The following PALS1 variants were observed in gnomAD, a reference collection of about 807,000 sequenced individuals.
The protein encoded by PALS1 is protein associated with LIN7 1, MAGUK p55 family member.
PALS1 carries 31 observed loss-of-function variants against 78.9 expected under a neutral mutation model. The ratio of observed to expected loss-of-function variants is 0.39; its 90% CI spans 0.30 to 0.53. The LOEUF (loss-of-function observed/expected upper bound fraction) is 0.53. Among genes scored for constraint, PALS1 ranks in the 20% least tolerant of loss-of-function variants. PALS1 has a pLI of 0.67. For missense variants in PALS1, 704 were observed against 826.5 expected (o/e 0.85, Z 1.82); for synonymous variants, 276 against 270.9 (o/e 1.02, Z -0.18).
At position 67,302,466 on chromosome 14, in the gene PALS1, G is replaced by A; in HGVS notation, c.858G>A (p.Gly286=). 6.3e-7 allele frequency: 1 copy of A among 1,599,242 alleles called. No homozygotes were observed. The highest frequency in any genetic ancestry group is 2.3e-5 in the East Asian group (1 of 43,960). Residue 286 remains glycine (G), a synonymous_variant, in exon 7 of 15, where the codon GGG becomes GGA. Transcript: ENST00000261681. The part of the protein sequence containing the change: ...DSVIISRIVK[G]GAAEKSGLLH... ...TCATCATTAGCCGGATAGTAAAAGG[G>A]GGTGCTGCAGAGAAAAGTGGTCTGT...
At chr14:67,258,954 TGCC>T (rs574188369) in intron 1 of PALS1, among the ~76,000 whole-genome samples, 162 of 152,176 alleles carry the variant, frequency 1.1e-3, no homozygotes, top group African/African-American at 3.7e-3. Context: ...GTGATTTTCC[TGCC>T]TCACCCTCCC....
At chr14:67,312,441 T>G (rs544565735) in intron 8 of PALS1, 86 bp from the exon 9 acceptor site, 1 of 972,698 alleles carries the variant, frequency 1.0e-6, no homozygotes, top group Admixed American at 3.1e-5. Context: ...TAAAAAATAA[T>G]AAAAAATTTG....
At chr14:67,293,873 C>G (rs2084807445) in intron 4 of PALS1, among the ~76,000 whole-genome samples, 2 of 151,888 alleles carry the variant, frequency 1.3e-5, no homozygotes, top group Non-Finnish European at 2.9e-5. Context: ...TTGCTAAATA[C>G]AACAATGGGT....
chr14:67,285,419 T>G (rs1418190269), intron 3 of PALS1, among the ~76,000 whole-genome samples: 1 of 138,814 alleles, frequency 7.2e-6, no homozygotes, highest in Non-Finnish European at 1.6e-5. Context: ...CAGGCTGGAG[T>G]GCAGTGGCGC....
At chr14:67,251,872 A>C (rs1184856756) in intron 1 of PALS1, among the ~76,000 whole-genome samples, 1 of 152,186 alleles carries the variant, frequency 6.6e-6, no homozygotes, top group African/African-American at 2.4e-5. Context: ...ATGGGGCCCC[A>C]CCTTCAACCT....
At chr14:67,267,668 A>G (rs1159608828) in intron 1 of PALS1, among the ~76,000 whole-genome samples, 1 of 152,236 alleles carries the variant, frequency 6.6e-6, no homozygotes, top group Non-Finnish European at 1.5e-5. Flanking sequence ...TAGTAAATTT[A>G]TATAGTCATG....
chr14:67,333,073 A>G lies in PALS1; in HGVS notation c.*117A>G. 1.1e-6 allele frequency: 1 copy of G among 880,708 alleles called. No individual in the cohort carries two copies. Among genetic ancestry groups the G allele is most frequent in the South Asian group, 1.8e-5 (1 of 56,330 alleles). The allele number at this position is 880,708 out of a possible 1,614,324, so 54.6% of individuals were successfully genotyped here. A position where few individuals can be genotyped will look rare whatever the true frequency, so the allele number is the denominator to read the frequency against. On this transcript the variant is annotated 3_prime_UTR_variant, in exon 15 of 15. Transcript: ENST00000261681. Reference sequence around the variant, plus strand: ...GATGGAAGGCAGCAGTATAAGCTGTAGATCTGTTCTTAGATCTCTTGAATT... The same window carrying G: ...GATGGAAGGCAGCAGTATAAGCTGTGGATCTGTTCTTAGATCTCTTGAATT...
rs1425264461 is a variant in PALS1 at position 67,335,317 on chromosome 14, C to CTAGT, written c.*2363_*2366dup. ...TATGGAAAAAAGCCTTGCTGTACAC[C>CTAGT]TAGTTGTACAGCCACTCTGGCCAAT... On this transcript the variant is annotated 3_prime_UTR_variant, in exon 15 of 15. Coordinates refer to ENST00000261681, the MANE Select transcript of PALS1 (RefSeq NM_022474.4). The CTAGT allele has an allele frequency of 6.6e-6, 1 of 152,186 alleles. No homozygotes were observed. The highest frequency in any genetic ancestry group is 2.4e-5 in the African/African-American group (1 of 41,436). The allele number at this position is 152,186 out of a possible 1,614,324, so 9.4% of individuals were successfully genotyped here. A position where few individuals can be genotyped will look rare whatever the true frequency, so the allele number is the denominator to read the frequency against.
chr14:67,293,158 T>A (rs539357530), intron 4 of PALS1, among the ~76,000 whole-genome samples: 117 of 152,280 alleles, frequency 7.7e-4, no homozygotes, highest in Middle Eastern at 6.8e-3. Flanking sequence ...CTATAAAAAC[T>A]GTAGACATTT....
intron 8 of PALS1, among the ~76,000 whole-genome samples, chr14:67,309,874 AT>A: frequency 6.6e-6 from 1 of 152,240 alleles, no homozygotes; most frequent in East Asian, 1.9e-4. Flanking sequence ...TCAGAAAGTG[AT>A]TTGATAAAAT....
chr14:67,313,409 T>C (rs2085122727), intron 9 of PALS1, among the ~76,000 whole-genome samples: 1 of 152,198 alleles, frequency 6.6e-6, no homozygotes, highest in African/African-American at 2.4e-5. Flanking sequence ...AGCTAGGCTA[T>C]GTGGTATAGC....
intron 10 of PALS1, 29 bp from the exon 11 acceptor site, chr14:67,317,379 T>G: frequency 6.4e-7 from 1 of 1,563,698 alleles, no homozygotes; most frequent in Non-Finnish European, 8.8e-7. Context: ...GGGAACACAT[T>G]TATAGTTATG....
intron 8 of PALS1, among the ~76,000 whole-genome samples, chr14:67,310,851 CTA>C (rs1356201030): frequency 6.6e-6 from 1 of 152,120 alleles, no homozygotes; most frequent in Non-Finnish European, 1.5e-5. Context: ...CTATCTATGT[CTA>C]TCTTTGTCAC....
chr14:67,325,979 C>CTTTTTTTTTTT (rs61592505), intron 14 of PALS1, among the ~76,000 whole-genome samples: 187 of 110,208 alleles, frequency 1.7e-3, no homozygotes, highest in African/African-American at 6.2e-3. Flanking sequence ...CGGCTCTTTT[C>CTTTTTTTTTTT]TTTTTTTTTT....
intron 14 of PALS1, among the ~76,000 whole-genome samples, chr14:67,324,321 CTGAT>C (rs1439716163): frequency 3.9e-5 from 6 of 152,088 alleles, no homozygotes; most frequent in African/African-American, 1.4e-4. Flanking sequence ...TAATAATTGA[CTGAT>C]AACATGTTAT....
chr14:67,300,460 T>C (rs1252000762), intron 4 of PALS1, among the ~76,000 whole-genome samples: 1 of 152,022 alleles, frequency 6.6e-6, no homozygotes, highest in African/African-American at 2.4e-5. Flanking sequence ...CTTGAGTAGC[T>C]GGAATTACAG....
At chr14:67,260,072 T>G (rs1279456677) in intron 1 of PALS1, among the ~76,000 whole-genome samples, 1 of 152,298 alleles carries the variant, frequency 6.6e-6, no homozygotes, top group Admixed American at 6.5e-5. Flanking sequence ...AAGGAAAATA[T>G]TAGTTTAATA....
chr14:67,288,964 CTTTTT>C (rs36044460), intron 3 of PALS1, among the ~76,000 whole-genome samples: 18 of 107,064 alleles, frequency 1.7e-4, no homozygotes, highest in Admixed American at 2.0e-4. Flanking sequence ...TCTTTATTTC[CTTTTT>C]TTTTTTTTTT....
At chr14:67,254,459 A>T (rs180746018) in intron 1 of PALS1, 1 of 152,190 alleles carries the variant, frequency 6.6e-6, no homozygotes, top group African/African-American at 2.4e-5. Flanking sequence ...AGCATTACTC[A>T]TACCCTCAGT....
Sources: allele counts gnomAD v4.1 joint callset (sites outside exome capture counted in the v4.1 genomes callset), GRCh38; gene constraint gnomAD v4.1.1; transcripts MANE v1.5; gene names NCBI Gene and HGNC (gene_info 2026-07-23, HGNC 2026-07-21).